Variants in NFATC4 observed in about 807,000 individuals in gnomAD.
The protein encoded by NFATC4 is nuclear factor of activated T cells 4.
In NFATC4, 25 loss-of-function variants were observed where a neutral mutation model predicts 73.4. The ratio of observed to expected loss-of-function variants is 0.34; its 90% CI spans 0.25 to 0.48. The LOEUF is 0.48. Ranked by LOEUF, NFATC4 falls within the 20% of genes least tolerant of loss-of-function variation. NFATC4 has a pLI of 0.99. For missense variants in NFATC4, 1,130 were observed against 1,203.7 expected, an observed-to-expected ratio of 0.94 and a Z score of 0.91; for synonymous variants, 523 against 510.3, an observed-to-expected ratio of 1.02 and a Z score of -0.34.
intron 6 of NFATC4, 137 bp from the exon 7 acceptor site, chr14:24,375,522 TG>T: frequency 1.3e-6 from 1 of 766,536 alleles, no homozygotes. Context: ...TAACATGCAG[TG>T]GGCTCCTCTG....
rs779238992 is a variant in NFATC4, at chr14:24,369,626, G to A, written c.228G>A (p.Pro76=). 13 of 1,613,012 alleles carry A rather than the reference G, an allele frequency of 8.1e-6. No homozygotes were observed. Among genetic ancestry groups the A allele is most frequent in the Admixed American group, 1.7e-5 (1 of 59,992 alleles). The change falls in exon 2 of 10, where the codon CCG becomes CCA. Residue 76 remains proline, a synonymous_variant. Transcript: ENST00000250373. The stretch of plus-strand genomic sequence containing the variant: ...GGCCTGGCATGCATTCGCCACCGCC[G>A]CGACCAGCCCCCTCACCTGGCACCT... The part of the protein sequence containing the change: ...PPRPGMHSPP[P]RPAPSPGTWE...
chr14:24,372,309 T>G, intron 2 of NFATC4, 132 bp from the exon 3 acceptor site: 1 of 939,720 alleles, frequency 1.1e-6, no homozygotes, highest in Non-Finnish European at 1.6e-6. Context: ...TTCACAAGTG[T>G]TAATGTACTT....
At chr14:24,375,137 G>A (rs564851174) in intron 6 of NFATC4, among the ~76,000 whole-genome samples, 1 of 152,204 alleles carries the variant, frequency 6.6e-6, no homozygotes, top group South Asian at 2.1e-4. Flanking sequence ...CTGGACTCAA[G>A]TGATCCTTCC....
At chr14:24,375,948 C>T (rs12880769) in intron 7 of NFATC4, 27 bp from the exon 8 acceptor site, 3 of 1,613,204 alleles carry the variant, frequency 1.9e-6, no homozygotes, top group Non-Finnish European at 2.5e-6. Flanking sequence ...CCCGAGGGCT[C>T]CCTGCCTCAT....
rs2042699058 is a variant in NFATC4, at chr14:24,378,850, T to C, written c.*1145T>C. On this transcript the variant is annotated 3_prime_UTR_variant, in exon 10 of 10. Coordinates refer to ENST00000250373, the MANE Select transcript of NFATC4 (RefSeq NM_004554.5). ...GACGGGCCTGGCCTGGAAACCTGGT[T>C]TGTCCCCTGTCTTGATGGCCTACGA... 2 of 152,310 alleles carry C rather than the reference T, an allele frequency of 1.3e-5. No homozygotes were observed. Among genetic ancestry groups the C allele is most frequent in the African/African-American group, 4.8e-5 (2 of 41,444 alleles). The allele number at this position is 152,310 out of a possible 1,614,324, so 9.4% of individuals were successfully genotyped here.
chr14:24,378,911 T>G lies in NFATC4; in HGVS notation c.*1206T>G, dbSNP rs1019462468. Reference sequence around the variant, plus strand: ...TCCACTGGGCTGGGAAAAGTCACTTTGTCTGTCTTGTTCACCTGGAGCCTG... The same window carrying G: ...TCCACTGGGCTGGGAAAAGTCACTTGGTCTGTCTTGTTCACCTGGAGCCTG... On this transcript the variant is annotated 3_prime_UTR_variant, in exon 10 of 10. Transcript: ENST00000250373. 2 of 152,294 alleles carry G rather than the reference T, an allele frequency of 1.3e-5. No homozygotes were observed. Among genetic ancestry groups the G allele is most frequent in the African/African-American group, 4.8e-5 (2 of 41,466 alleles). The allele number at this position is 152,294 out of a possible 1,614,324, so 9.4% of individuals were successfully genotyped here.
Position 24,376,839 on chromosome 14 carries a change from C to T in NFATC4, c.2602C>T (p.Arg868Ter), listed in dbSNP as rs756826575. The T allele has an allele frequency of 5.6e-6, 9 of 1,596,702 alleles. No homozygotes were observed. The highest frequency in any genetic ancestry group is 3.5e-5 in the Admixed American group (2 of 56,666). Residue 868 changes from arginine to a stop codon, truncating the protein, a stop_gained, in exon 9 of 10, where the codon CGA (arginine) becomes TGA (stop). Transcript: ENST00000250373. LOFTEE classifies it high-confidence loss of function. The surrounding 1 kb of genome is among the most constrained non-coding windows in gnomAD (Gnocchi z 5.0). ...CAGGGGTGGCTACAGCAGCGGCTTC[C>T]GAGACAGTGTCCCTATCCAGGGTAT... ...KSRGGYSSGF[R>*]DSVPIQGITL...
chr14:24,374,536 A>G, intron 6 of NFATC4, 70 bp downstream of exon 6: 1 of 1,494,418 alleles, frequency 6.7e-7, no homozygotes, highest in Non-Finnish European at 9.1e-7. Flanking sequence ...CATCTCTGGC[A>G]TTGTCACTAA....
At position 24,373,758 on chromosome 14, in the gene NFATC4, G is replaced by A. The variant is rs1222659661; in HGVS notation, c.1623G>A (p.Thr541=). Residue 541 remains threonine, a synonymous_variant, in exon 5 of 10, where the codon ACG becomes ACA. Transcript: ENST00000250373. The surrounding 1 kb of genome is among the most constrained non-coding windows in gnomAD (Gnocchi z 4.7). ...ACATTGAGCTTCGGAAGGGTGAGAC[G>A]GACATCGGGCGCAAAAACACACGTG... The part of the protein sequence containing the change: ...NSDIELRKGE[T]DIGRKNTRVR... 1.9e-6 allele frequency: 3 copies of A among 1,613,990 alleles called. No homozygotes were observed. Among genetic ancestry groups the A allele is most frequent in the African/African-American group, 1.3e-5 (1 of 74,930 alleles).
chr14:24,374,505 G>T, intron 6 of NFATC4, 39 bp downstream of exon 6: 2 of 1,568,786 alleles, frequency 1.3e-6, no homozygotes, highest in Middle Eastern at 1.7e-4. Flanking sequence ...GGCAGGGAGA[G>T]CTTGGGAGTG....
chr14:24,369,840 C>A lies in NFATC4; in HGVS notation c.442C>A (p.Pro148Thr), dbSNP rs955503986. The A allele has an allele frequency of 1.0e-5, 16 of 1,606,552 alleles. No individual in the cohort carries two copies. Among genetic ancestry groups the A allele is most frequent in the Admixed American group, 5.1e-5 (3 of 58,958 alleles). The part of the protein sequence containing the change: ...WGDGSPRDYP[P>T]PEGFGGYREA... Reference sequence around the variant, plus strand: ...GGACGGCTCTCCTAGAGATTACCCCCCACCAGAAGGCTTTGGGGGCTACAG... The same window carrying A: ...GGACGGCTCTCCTAGAGATTACCCCACACCAGAAGGCTTTGGGGGCTACAG... Residue 148 changes from proline to threonine, a missense_variant, in exon 2 of 10, where the codon CCA becomes ACA. Physicochemically the swap from Pro to Thr is conservative, Grantham distance 38 (BLOSUM62 -1). This residue lies in a region of NFATC4 where 585 missense variants were observed against 574.3 expected (regional missense o/e 1.02). Transcript: ENST00000250373.
Position 24,370,066 on chromosome 14 carries a change from G to T in NFATC4, c.668G>T (p.Arg223Leu). ...SPLPSPRASP[R>L]PWTPEDPWSL... is the part of the protein sequence containing the mutation. ...CTGCCCTCGCCCCGGGCCTCCCCTC[G>T]GCCATGGACCCCCGAAGATCCCTGG... The change falls in exon 2 of 10, where the codon CGG (arginine) becomes CTG (leucine). Residue 223 changes from arginine to leucine, a missense_variant. By Grantham distance (102) the Arg-to-Leu change is moderately radical. Around this residue, in one of 3 missense-constraint regions of NFATC4, gnomAD observed 585 missense variants for 574.3 expected, o/e 1.02. Coordinates refer to ENST00000250373, the MANE Select transcript of NFATC4 (RefSeq NM_004554.5). The T allele has an allele frequency of 6.2e-7, 1 of 1,606,760 alleles. No individual in the cohort carries two copies. The highest frequency in any genetic ancestry group is 8.5e-7 in the Non-Finnish European group (1 of 1,179,814).
intron 2 of NFATC4, chr14:24,371,633 G>A (rs1448914946): frequency 6.6e-6 from 1 of 152,410 alleles, no homozygotes; most frequent in Non-Finnish European, 1.5e-5. Flanking sequence ...TGGCTTGAGA[G>A]CAGAATGTGC....
Position 24,373,007 on chromosome 14 carries a change from C to A in NFATC4, c.1360-164C>A. On this transcript the variant is annotated intron_variant, in intron 3 of 9. Coordinates refer to ENST00000250373, the MANE Select transcript of NFATC4 (RefSeq NM_004554.5). The surrounding 1 kb of genome is among the most constrained non-coding windows in gnomAD (Gnocchi z 4.7). ...CAAGAAAAACACTGTGAACTCCAGG[C>A]CATGTTTTCTCCACAACGGGTGCCC... is the stretch of plus-strand genomic sequence containing the variant. 2 of 714,268 alleles carry A rather than the reference C, an allele frequency of 2.8e-6. No homozygotes were observed. Among genetic ancestry groups the A allele is most frequent in the South Asian group, 1.9e-5 (1 of 52,582 alleles). 44.2% of individuals were successfully genotyped at this position (714,268 alleles called of 1,614,324 possible). A position where few individuals can be genotyped will look rare whatever the true frequency, so the allele number is the denominator to read the frequency against.
chr14:24,376,958 CT>C lies in NFATC4; in HGVS notation c.2641+84del. ...ATGTTTGCTGAGGGCTGGAGCTGGG[CT>C]TTTCAGAGATCGGGCATCCCTGGTC... On this transcript the variant is annotated intron_variant, in intron 9 of 9. Coordinates refer to ENST00000250373, the MANE Select transcript of NFATC4 (RefSeq NM_004554.5). The surrounding 1 kb of genome is among the most constrained non-coding windows in gnomAD (Gnocchi z 5.0). 1 of 1,430,392 alleles carries C rather than the reference CT, an allele frequency of 7.0e-7. No homozygotes were observed. Among genetic ancestry groups the C allele is most frequent in the Non-Finnish European group, 9.1e-7 (1 of 1,094,024 alleles). 88.6% of individuals were successfully genotyped at this position (1,430,392 alleles called of 1,614,324 possible).
chr14:24,368,334 C>G lies in NFATC4; in HGVS notation c.-7C>G, dbSNP rs45475996. 3 of 1,389,632 alleles carry G rather than the reference C, an allele frequency of 2.2e-6. No individual in the cohort carries two copies. Among genetic ancestry groups the G allele is most frequent in the East Asian group, 6.1e-5 (2 of 32,582 alleles). The allele number at this position is 1,389,632 out of a possible 1,614,324, so 86.1% of individuals were successfully genotyped here. ...CAGGCCGGGACCTGGGGGCTCCTGC[C>G]GGATCCATGGGGGCGGCCAGCTGCG... On this transcript the variant is annotated 5_prime_UTR_variant, in exon 1 of 10. Coordinates refer to ENST00000250373, the MANE Select transcript of NFATC4 (RefSeq NM_004554.5).
At position 24,369,563 on chromosome 14, in the gene NFATC4, C is replaced by T. The variant is rs1466183838; in HGVS notation, c.165C>T (p.Gly55=). 5.0e-6 allele frequency: 8 copies of T among 1,612,132 alleles called. No individual in the cohort carries two copies. The highest frequency in any genetic ancestry group is 5.9e-6 in the Non-Finnish European group (7 of 1,178,992). Residue 55 remains glycine (G), a synonymous_variant, in exon 2 of 10, where the codon GGC becomes GGT. Transcript: ENST00000250373. ...RLALGEPPPY[G]AAPIGIPRPP... ...CCTTGGGAGAGCCCCCTCCCTATGGCGCTGCACCTATCGGTATTCCCCGAC... is the reference window on the plus strand; with the variant it reads ...CCTTGGGAGAGCCCCCTCCCTATGGTGCTGCACCTATCGGTATTCCCCGAC...
intron 6 of NFATC4, chr14:24,374,690 C>T: frequency 2.0e-6 from 1 of 491,150 alleles, no homozygotes; most frequent in South Asian, 2.9e-5. Flanking sequence ...AAGCAATGCA[C>T]ATTCTGTCTA....
At position 24,377,305 on chromosome 14, in the gene NFATC4, G is replaced by A. The variant is rs2042650477; in HGVS notation, c.2642-333G>A. The A allele has an allele frequency of 7.9e-7, 1 of 1,270,866 alleles. No individual in the cohort carries two copies. Among genetic ancestry groups the A allele is most frequent in the African/African-American group, 1.5e-5 (1 of 67,126 alleles). 78.7% of individuals were successfully genotyped at this position (1,270,866 alleles called of 1,614,324 possible). A position where few individuals can be genotyped will look rare whatever the true frequency, so the allele number is the denominator to read the frequency against. The stretch of plus-strand genomic sequence containing the variant: ...TGTCTGTGGTCAGGGTTGGTGAGGA[G>A]GAGCTTTCCTGTTTTGCCTCTCCTT... On this transcript the variant is annotated intron_variant, in intron 9 of 9. Transcript: ENST00000250373. This position sits in a 1 kb window ranked among gnomAD's most constrained non-coding sequence, Gnocchi z 4.2.
Sources: gnomAD v4.1 joint callset for allele counts (sites outside exome capture counted in the v4.1 genomes callset) on GRCh38, gnomAD v4.1.1 for gene constraint, gnomAD v4.1.1 regional missense constraint, Gnocchi (gnomAD v3.1) non-coding constraint, MANE v1.5 for transcripts, NCBI Gene and HGNC (gene_info 2026-07-23, HGNC 2026-07-21) for gene names.